Variants in LARGE1 observed in about 807,000 individuals in gnomAD.
LARGE1 encodes LARGE xylosyl- and glucuronyltransferase 1.
Under a neutral mutation model 87.6 loss-of-function variants are expected in LARGE1, and 43 were observed. The ratio of observed to expected loss-of-function variants is 0.49; its 90% CI spans 0.38 to 0.63. The LOEUF is 0.63. LARGE1 is among the 30% of genes least tolerant of loss of function. LARGE1 has a pLI of 0.00. For missense variants in LARGE1, 802 were observed against 1,000.2 expected, an observed-to-expected ratio of 0.80 and a Z score of 2.67; for synonymous variants, 434 against 394.6, an observed-to-expected ratio of 1.10 and a Z score of -1.18.
chr22:33,864,989 C>T (rs922809106), intron 1 of LARGE1, among the ~76,000 whole-genome samples: 16 of 152,312 alleles, frequency 1.1e-4, no homozygotes, highest in Admixed American at 2.0e-4. Flanking sequence ...CAGGTTGGTT[C>T]GCAGTTTCTG....
chr22:33,860,555 A>T (rs1192581948), intron 1 of LARGE1, among the ~76,000 whole-genome samples: 1 of 152,182 alleles, frequency 6.6e-6, no homozygotes, highest in Non-Finnish European at 1.5e-5. Context: ...TTCTCTACTC[A>T]GCAGCAAGCA....
chr22:33,486,995 T>G (rs531291080), intron 6 of LARGE1, among the ~76,000 whole-genome samples: 1 of 152,224 alleles, frequency 6.6e-6, no homozygotes, highest in Non-Finnish European at 1.5e-5. Flanking sequence ...TAGATCCAAA[T>G]TGCGGACACA....
intron 2 of LARGE1, among the ~76,000 whole-genome samples, chr22:33,735,953 T>C (rs978143488): frequency 6.6e-6 from 1 of 152,252 alleles, no homozygotes; most frequent in Non-Finnish European, 1.5e-5. Context: ...ACCCATGTTA[T>C]AGCATGTATC....
intron 2 of LARGE1, among the ~76,000 whole-genome samples, chr22:33,737,028 C>T (rs1051062685): frequency 6.6e-6 from 1 of 152,158 alleles, no homozygotes; most frequent in South Asian, 2.1e-4. Context: ...TGCACGAAGA[C>T]CTGGATGCTG....
intron 11 of LARGE1, among the ~76,000 whole-genome samples, chr22:33,176,635 A>G (rs1026913872): frequency 1.3e-5 from 2 of 152,196 alleles, no homozygotes; most frequent in African/African-American, 2.4e-5. Flanking sequence ...TAGAATGGCA[A>G]TCATTAAAAG....
At chr22:33,212,324 T>G (rs1455129601) in intron 11 of LARGE1, among the ~76,000 whole-genome samples, 2 of 152,212 alleles carry the variant, frequency 1.3e-5, no homozygotes, top group Non-Finnish European at 2.9e-5. Context: ...CCCCTAGAAT[T>G]ATGCCATATC....
chr22:33,600,029 G>T (rs1344964275), intron 5 of LARGE1, among the ~76,000 whole-genome samples: 1 of 152,140 alleles, frequency 6.6e-6, no homozygotes, highest in African/African-American at 2.4e-5. Context: ...CAGGGTGGCT[G>T]GTGGGCAAAC....
intron 6 of LARGE1, among the ~76,000 whole-genome samples, chr22:33,542,513 A>G (rs971760901): frequency 6.6e-6 from 1 of 151,470 alleles, no homozygotes; most frequent in Admixed American, 6.6e-5. Flanking sequence ...CGTAGAATCC[A>G]AAGAGCCCAG....
chr22:33,690,910 C>T (rs546122040), intron 2 of LARGE1, among the ~76,000 whole-genome samples: 35 of 152,282 alleles, frequency 2.3e-4, no homozygotes, highest in Admixed American at 1.5e-3. Flanking sequence ...CATAAAGTAC[C>T]GCTGAACTAG....
intron 2 of LARGE1, among the ~76,000 whole-genome samples, chr22:33,714,792 T>C (rs967246980): frequency 1.3e-5 from 2 of 152,192 alleles, no homozygotes; most frequent in Non-Finnish European, 2.9e-5. Flanking sequence ...CTCTGCTCCA[T>C]GTACCCTAAA....
At chr22:33,688,687 C>G (rs894975953) in intron 2 of LARGE1, among the ~76,000 whole-genome samples, 1 of 152,116 alleles carries the variant, frequency 6.6e-6, no homozygotes, top group Admixed American at 6.6e-5. Flanking sequence ...AAAAGTCATG[C>G]ACCTTCAGCC....
chr22:33,631,582 T>C (rs1395184152), intron 3 of LARGE1, among the ~76,000 whole-genome samples: 1 of 152,200 alleles, frequency 6.6e-6, no homozygotes, highest in Non-Finnish European at 1.5e-5. Context: ...TGGAAGGTCC[T>C]CAGGGGCATT....
chr22:33,784,687 G>C lies in LARGE1; in HGVS notation c.-82-23129C>G, dbSNP rs762723013. 1.2e-4 allele frequency among the ~76,000 whole-genome samples: 19 copies of C among 152,032 alleles called. 1 individual carries two copies. The highest frequency in any genetic ancestry group is 7.2e-4 in the Admixed American group (11 of 15,258). On this transcript the variant is annotated intron_variant, in intron 1 of 14. Transcript: ENST00000397394. The stretch of plus-strand genomic sequence containing the variant: ...AGGAGACAGTCACAGGTACTAATAT[G>C]CACAAAATGAATCTTTATTTTATTT...
At chr22:33,900,191 G>C (rs141763225) in intron 1 of LARGE1, among the ~76,000 whole-genome samples, 1 of 152,256 alleles carries the variant, frequency 6.6e-6, no homozygotes, top group East Asian at 1.9e-4. Flanking sequence ...GTACCACAGG[G>C]CAGCAGTCAC....
intron 11 of LARGE1, among the ~76,000 whole-genome samples, chr22:33,236,077 G>T (rs1353608615): frequency 6.6e-6 from 1 of 152,158 alleles, no homozygotes; most frequent in Non-Finnish European, 1.5e-5. Context: ...ACCAAGGGTT[G>T]CCAGCAACCA....
At chr22:33,465,283 T>C (rs1295158302) in intron 6 of LARGE1, among the ~76,000 whole-genome samples, 1 of 152,216 alleles carries the variant, frequency 6.6e-6, no homozygotes, top group Non-Finnish European at 1.5e-5. Context: ...GTGACTGTTA[T>C]AACCACAAAG....
At chr22:33,546,954 G>T (rs2077376529) in intron 6 of LARGE1, among the ~76,000 whole-genome samples, 1 of 152,200 alleles carries the variant, frequency 6.6e-6, no homozygotes, top group Admixed American at 6.5e-5. Context: ...AAAACCTGTG[G>T]AATAAATCAA....
intron 11 of LARGE1, among the ~76,000 whole-genome samples, chr22:33,239,322 G>T (rs563146902): frequency 1.3e-5 from 2 of 151,996 alleles, no homozygotes; most frequent in Admixed American, 1.3e-4. Context: ...GTCCTACCAG[G>T]AAGATAGTGC....
At chr22:33,635,198 G>T (rs2080234911) in intron 3 of LARGE1, among the ~76,000 whole-genome samples, 1 of 152,012 alleles carries the variant, frequency 6.6e-6, no homozygotes, top group Non-Finnish European at 1.5e-5. Flanking sequence ...CTGAACCCCT[G>T]GCCCATTCCC....
Sources: gnomAD v4.1 joint callset for allele counts (sites outside exome capture counted in the v4.1 genomes callset) on GRCh38, gnomAD v4.1.1 for gene constraint, MANE v1.5 for transcripts, NCBI Gene and HGNC (gene_info 2026-07-23, HGNC 2026-07-21) for gene names.